The following NRXN3 variants were observed in gnomAD, a reference collection of about 807,000 sequenced individuals.
NRXN3 encodes the protein neurexin III.
In NRXN3, 32 loss-of-function variants were observed where a neutral mutation model predicts 137.6. That is an observed-to-expected ratio of 0.23 (90% CI 0.18 to 0.31). NRXN3 has a LOEUF of 0.31. Ranked by LOEUF, NRXN3 falls within the 10% of genes least tolerant of loss-of-function variation. NRXN3 has a pLI of 1.00. For synonymous variants in NRXN3, 798 were observed against 784.5 expected (o/e 1.02, Z -0.29); for missense variants, 1,574 against 2,062.5 (o/e 0.76, Z 4.59).
intron 16 of NRXN3, chr14:79,611,555 A>C (rs867452717): frequency 7.9e-5 from 12 of 152,308 alleles, no homozygotes; most frequent in East Asian, 1.9e-4. Context: ...AGCTGAGATC[A>C]TGCCACTGCA....
At chr14:79,062,987 AG>A (rs1319209056) in intron 15 of NRXN3, among the ~76,000 whole-genome samples, 2 of 152,230 alleles carry the variant, frequency 1.3e-5, no homozygotes, top group Admixed American at 6.5e-5. Context: ...ATTTTGAGAA[AG>A]GGGGGGAGGA....
intron 19 of NRXN3, among the ~76,000 whole-genome samples, chr14:79,716,858 G>T (rs1033533099): frequency 6.6e-6 from 1 of 152,138 alleles, no homozygotes; most frequent in African/African-American, 2.4e-5. Context: ...CGTTATCATT[G>T]TTGTAATTAT....
intron 15 of NRXN3, among the ~76,000 whole-genome samples, chr14:79,395,730 A>T (rs1053864680): frequency 6.6e-6 from 1 of 150,988 alleles, no homozygotes; most frequent in Non-Finnish European, 1.5e-5. Flanking sequence ...AATGGCGTGA[A>T]CCCGGGAGGC....
intron 3 of NRXN3, among the ~76,000 whole-genome samples, chr14:78,289,179 G>A (rs746757743): frequency 3.3e-5 from 5 of 152,154 alleles, no homozygotes; most frequent in Non-Finnish European, 7.4e-5. Context: ...TTGCATAAAA[G>A]CCAAAATCCT....
chr14:79,548,956 CCTAA>C (rs543866255), intron 16 of NRXN3, among the ~76,000 whole-genome samples: 25 of 152,118 alleles, frequency 1.6e-4, no homozygotes, highest in Admixed American at 9.8e-4. Context: ...GACTTTATTA[CCTAA>C]CTGTGTCCTG....
At chr14:78,545,798 C>A (rs1241268735) in intron 4 of NRXN3, among the ~76,000 whole-genome samples, 1 of 152,162 alleles carries the variant, frequency 6.6e-6, no homozygotes, top group Non-Finnish European at 1.5e-5. Context: ...TCCTCTTTCC[C>A]TCAGGAACTC....
chr14:79,565,336 T>TATAC (rs1555527131), intron 16 of NRXN3, among the ~76,000 whole-genome samples: 12 of 108,694 alleles, frequency 1.1e-4, no homozygotes, highest in African/African-American at 2.1e-4. Flanking sequence ...TATATATATA[T>TATAC]ACATATGTGT....
intron 10 of NRXN3, among the ~76,000 whole-genome samples, chr14:78,905,693 A>G (rs766238470): frequency 1.3e-4 from 20 of 152,084 alleles, no homozygotes; most frequent in Admixed American, 2.0e-4. Context: ...AAATGTAATC[A>G]TTTTGATGGT....
At chr14:79,391,680 CA>C (rs2094849553) in intron 15 of NRXN3, among the ~76,000 whole-genome samples, 2 of 152,158 alleles carry the variant, frequency 1.3e-5, no homozygotes, top group Non-Finnish European at 1.5e-5. Flanking sequence ...TGGCCAAATA[CA>C]TTGGGACTTG....
At chr14:78,713,295 C>T (rs867657782) in intron 7 of NRXN3, among the ~76,000 whole-genome samples, 22 of 152,238 alleles carry the variant, frequency 1.4e-4, no homozygotes, top group Non-Finnish European at 2.2e-4. Context: ...TCCTGCTCAC[C>T]CCCTCTTGCC....
chr14:79,819,580 G>A (rs1486798090), intron 20 of NRXN3, among the ~76,000 whole-genome samples: 1 of 133,642 alleles, frequency 7.5e-6, no homozygotes, highest in East Asian at 2.6e-4. Context: ...CGCCTCCCAG[G>A]TTCAGGCAAT....
At chr14:79,333,034 C>G (rs569408858) in intron 15 of NRXN3, among the ~76,000 whole-genome samples, 7 of 152,102 alleles carry the variant, frequency 4.6e-5, no homozygotes, top group African/African-American at 1.4e-4. Flanking sequence ...CCTGCACCCC[C>G]CTGCTGTGTG....
chr14:78,701,515 T>G (rs1278385443), intron 6 of NRXN3, among the ~76,000 whole-genome samples: 1 of 152,088 alleles, frequency 6.6e-6, no homozygotes, highest in Non-Finnish European at 1.5e-5. Context: ...TGAGGTATGG[T>G]CTAAGGATTT....
At chr14:78,531,844 T>C (rs4243660) in intron 4 of NRXN3, among the ~76,000 whole-genome samples, 49,497 of 152,044 alleles carry the variant, frequency 0.33, 8,947 homozygotes, top group Admixed American at 0.39. Flanking sequence ...TTCTAGGAGG[T>C]AAAGCTTTTG....
chr14:79,824,309 A>G lies in NRXN3; in HGVS notation c.4093+19119A>G, dbSNP rs1481197519. Reference sequence around the variant, plus strand: ...GGAACATCTGTCACTGCAGCTACAAAGATTATATTAATGAATTAAAACATT... The same window carrying G: ...GGAACATCTGTCACTGCAGCTACAAGGATTATATTAATGAATTAAAACATT... On this transcript the variant is annotated intron_variant, in intron 20 of 20. Transcript: ENST00000335750. Among the ~76,000 whole-genome samples, 7 of 152,204 alleles carry G rather than the reference A, an allele frequency of 4.6e-5. No homozygotes were observed. In the South Asian group the frequency reaches 6.2e-4, roughly 13 times the overall value.
intron 4 of NRXN3, among the ~76,000 whole-genome samples, chr14:78,468,131 G>T (rs1322201481): frequency 6.6e-6 from 1 of 151,928 alleles, no homozygotes; most frequent in East Asian, 1.9e-4. Context: ...ACCAAGTTGG[G>T]TCTTATTATT....
intron 15 of NRXN3, among the ~76,000 whole-genome samples, chr14:79,318,675 T>C (rs1278960956): frequency 6.6e-6 from 1 of 152,058 alleles, no homozygotes. Flanking sequence ...AAATAAGAAC[T>C]AGAGATGAGC....
chr14:78,425,122 A>G (rs1238606898), intron 4 of NRXN3, among the ~76,000 whole-genome samples: 1 of 152,242 alleles, frequency 6.6e-6, no homozygotes, highest in Non-Finnish European at 1.5e-5. Flanking sequence ...TTTGACCAAT[A>G]GACCAGTATC....
At position 79,460,785 on chromosome 14, in the gene NRXN3, T is replaced by C. The variant is rs565199686; in HGVS notation, c.3263-6436T>C. Among the ~76,000 whole-genome samples, 7 of 152,330 alleles carry C rather than the reference T, an allele frequency of 4.6e-5. No homozygotes were observed. The South Asian group carries it at 6.2e-4, about 14-fold the overall frequency. ...TAAGAAATGGCTTTTTCTCATGATG[T>C]ACTTAACTGTTAGGCAATGTTGTCA... On this transcript the variant is annotated intron_variant, in intron 15 of 20. Coordinates refer to ENST00000335750, the MANE Select transcript of NRXN3 (RefSeq NM_001330195.2).
Sources: gnomAD v4.1 joint callset for allele counts (sites outside exome capture counted in the v4.1 genomes callset) on GRCh38, gnomAD v4.1.1 for gene constraint, MANE v1.5 for transcripts, NCBI Gene and HGNC (gene_info 2026-07-23, HGNC 2026-07-21) for gene names.